Variants in SUMF1 observed in about 807,000 individuals in gnomAD.
SUMF1 encodes formylglycine-generating enzyme.
SUMF1 carries 48 observed loss-of-function variants against 47.6 expected under a neutral mutation model. The ratio of observed to expected loss-of-function variants is 1.01; its 90% CI spans 0.80 to 1.28. The LOEUF (loss-of-function observed/expected upper bound fraction) is 1.28. SUMF1 is among the 50% of genes most tolerant of loss of function. SUMF1 has a pLI of 0.00. For missense variants in SUMF1, 571 were observed against 485.4 expected (o/e 1.18, Z -1.66); for synonymous variants, 230 against 192.1 (o/e 1.20, Z -1.63).
At chr3:4,059,827 C>A (rs1451650879) in intron 9 of SUMF1, among the ~76,000 whole-genome samples, 1 of 147,260 alleles carries the variant, frequency 6.8e-6, no homozygotes, top group Non-Finnish European at 1.5e-5. Flanking sequence ...GAGCTGAGAT[C>A]TGAAAAGTAA....
chr3:4,334,201 G>C (rs1374418517), intron 8 of SUMF1, among the ~76,000 whole-genome samples: 1 of 151,950 alleles, frequency 6.6e-6, no homozygotes, highest in African/African-American at 2.4e-5. Context: ...AAAGCATAAA[G>C]GCTAGATATC....
chr3:4,271,509 AGAT>A (rs1697303313), intron 8 of SUMF1, among the ~76,000 whole-genome samples: 1 of 150,304 alleles, frequency 6.7e-6, no homozygotes, highest in Admixed American at 6.7e-5. Flanking sequence ...ATAGATAGAT[AGAT>A]AGATAGATAC....
intron 8 of SUMF1, among the ~76,000 whole-genome samples, chr3:4,213,719 T>A (rs551115156): frequency 6.6e-6 from 1 of 152,096 alleles, no homozygotes; most frequent in South Asian, 2.1e-4. Context: ...GAGGAATATT[T>A]ACCAAGCAAA....
chr3:4,061,510 G>A (rs1695276286), intron 9 of SUMF1, among the ~76,000 whole-genome samples: 1 of 152,044 alleles, frequency 6.6e-6, no homozygotes, highest in South Asian at 2.1e-4. Context: ...GATTTTGGTT[G>A]GTCAGAGTGA....
At chr3:4,107,847 A>T (rs1693193516) in intron 8 of SUMF1, among the ~76,000 whole-genome samples, 1 of 152,124 alleles carries the variant, frequency 6.6e-6, no homozygotes, top group Admixed American at 6.6e-5. Context: ...TTTTAAAAAT[A>T]ATGTTTGACC....
rs1472406079 is a variant in SUMF1 at position 4,039,201 on chromosome 3, C to T, written c.1191+29368G>A. Reference sequence around the variant, plus strand: ...CTTCCTTCAAGCATGCCTGAAACATCTATGCAAATTTTTTTTTTTTTTTTT... The same window carrying T: ...CTTCCTTCAAGCATGCCTGAAACATTTATGCAAATTTTTTTTTTTTTTTTT... On this transcript the variant is annotated intron_variant and NMD_transcript_variant, in intron 9 of 12. Transcript: ENST00000448413. 1.2e-4 allele frequency among the ~76,000 whole-genome samples: 6 copies of T among 48,842 alleles called. No homozygotes were observed. In the South Asian group the frequency reaches 3.8e-3, roughly 31 times the overall value. The allele number at this position is 48,842 out of a possible 152,430, so 32.0% of individuals were successfully genotyped here.
chr3:4,124,957 C>A (rs1353306153), intron 8 of SUMF1, among the ~76,000 whole-genome samples: 1 of 152,034 alleles, frequency 6.6e-6, no homozygotes, highest in Non-Finnish European at 1.5e-5. Context: ...CATTTCAGCC[C>A]CTATTCATCT....
At chr3:4,092,009 C>T (rs1445489882) in intron 8 of SUMF1, among the ~76,000 whole-genome samples, 1 of 152,084 alleles carries the variant, frequency 6.6e-6, no homozygotes, top group East Asian at 1.9e-4. Context: ...CAAAAGGCCA[C>T]ATCAGCAAGG....
chr3:4,037,724 C>T (rs569581618), intron 9 of SUMF1, among the ~76,000 whole-genome samples: 1 of 152,286 alleles, frequency 6.6e-6, no homozygotes, highest in South Asian at 2.1e-4. Flanking sequence ...AGGACATAGA[C>T]ACTTGGGTCA....
chr3:4,456,544 T>C (rs532220814), intron 1 of SUMF1, among the ~76,000 whole-genome samples: 3 of 147,672 alleles, frequency 2.0e-5, no homozygotes, highest in African/African-American at 7.4e-5. Context: ...CTCTGCCTCC[T>C]GGGCTCATGC....
intron 7 of SUMF1, among the ~76,000 whole-genome samples, chr3:4,385,035 A>G (rs960646800): frequency 7.9e-5 from 12 of 151,808 alleles, no homozygotes; most frequent in Admixed American, 4.6e-4. Context: ...ACAGGCACGC[A>G]CCACCAGGCC....
At chr3:4,179,572 C>T (rs1416227753) in intron 8 of SUMF1, among the ~76,000 whole-genome samples, 1 of 152,022 alleles carries the variant, frequency 6.6e-6, no homozygotes, top group Admixed American at 6.6e-5. Flanking sequence ...AGACCTAAAA[C>T]CCAAGAAGAA....
At chr3:4,141,888 T>C (rs576819095) in intron 8 of SUMF1, among the ~76,000 whole-genome samples, 2 of 152,110 alleles carry the variant, frequency 1.3e-5, no homozygotes, top group Non-Finnish European at 2.9e-5. Flanking sequence ...CATCCAACAA[T>C]TTGAGAGCTC....
At chr3:4,223,927 A>C (rs1164542142) in intron 8 of SUMF1, among the ~76,000 whole-genome samples, 1 of 152,132 alleles carries the variant, frequency 6.6e-6, no homozygotes. Context: ...TCATCTGTTA[A>C]ATAAGCCTCA....
At chr3:4,188,177 C>T (rs140590340) in intron 8 of SUMF1, among the ~76,000 whole-genome samples, 220 of 133,784 alleles carry the variant, frequency 1.6e-3, no homozygotes, top group African/African-American at 5.9e-3. Flanking sequence ...CATTAGGGTT[C>T]ACTTTTTTTT....
intron 7 of SUMF1, among the ~76,000 whole-genome samples, chr3:4,407,004 A>G (rs1701396443): frequency 6.6e-6 from 1 of 152,136 alleles, no homozygotes; most frequent in Non-Finnish European, 1.5e-5. Context: ...ACATCACAGC[A>G]CTGGCCATTT....
chr3:4,421,003 T>A (rs1701881857), intron 3 of SUMF1, among the ~76,000 whole-genome samples: 1 of 152,204 alleles, frequency 6.6e-6, no homozygotes, highest in Non-Finnish European at 1.5e-5. Flanking sequence ...CCCACCTGCC[T>A]CACCTAACTC....
chr3:4,166,052 A>G (rs1694699779), intron 8 of SUMF1, among the ~76,000 whole-genome samples: 1 of 152,082 alleles, frequency 6.6e-6, no homozygotes, highest in Non-Finnish European at 1.5e-5. Flanking sequence ...CTAGACCACA[A>G]AGAGGACCAA....
chr3:4,253,694 C>T (rs1041127235), intron 8 of SUMF1, among the ~76,000 whole-genome samples: 8 of 150,942 alleles, frequency 5.3e-5, no homozygotes, highest in Non-Finnish European at 7.4e-5. Flanking sequence ...GAGGGGCGCC[C>T]GCCATTGGCC....
Sources: gnomAD v4.1 joint callset for allele counts (sites outside exome capture counted in the v4.1 genomes callset) on GRCh38, gnomAD v4.1.1 for gene constraint, MANE v1.5 for transcripts, NCBI Gene and HGNC (gene_info 2026-07-23, HGNC 2026-07-21) for gene names.